Variants in CLVS1 observed in about 807,000 individuals in gnomAD.
CLVS1 encodes clavesin-1.
A neutral mutation model predicts 33.1 loss-of-function variants in CLVS1; 10 were observed. That is an observed-to-expected ratio of 0.30 (90% CI 0.19 to 0.51). The LOEUF is 0.51. Ranked by LOEUF, CLVS1 falls within the 20% of genes least tolerant of loss-of-function variation. The pLI, the probability that CLVS1 is intolerant of heterozygous loss-of-function variation, is 0.97. For synonymous variants in CLVS1, 163 were observed against 166.1 expected (o/e 0.98, Z 0.14); for missense variants, 343 against 433.4 (o/e 0.79, Z 1.85).
chr8:61,114,243 C>A (rs1454917450), intron 1 of CLVS1, among the ~76,000 whole-genome samples: 1 of 152,202 alleles, frequency 6.6e-6, no homozygotes, highest in East Asian at 1.9e-4. Context: ...ACTATAGTTG[C>A]TTTACTCATA....
At chr8:61,229,086 A>G (rs964153122) in intron 2 of CLVS1, among the ~76,000 whole-genome samples, 1 of 152,152 alleles carries the variant, frequency 6.6e-6, no homozygotes, top group African/African-American at 2.4e-5. Context: ...ATGATTGATG[A>G]TGTTGCGCAC....
chr8:60,967,708 C>T, the CLVS1 span: 1 of 455,468 alleles, frequency 2.2e-6, no homozygotes, highest in Non-Finnish European at 4.4e-6. Context: ...GGTGTGGGTG[C>T]TGAGGGTGGG....
chr8:61,059,665 G>A (rs1370605260), intron 1 of CLVS1, among the ~76,000 whole-genome samples: 1 of 150,982 alleles, frequency 6.6e-6, no homozygotes, highest in Non-Finnish European at 1.5e-5. Flanking sequence ...GAAAAAATTA[G>A]CCGGATGTGG....
intron 5 of CLVS1, among the ~76,000 whole-genome samples, chr8:61,477,331 A>T (rs562721302): frequency 8.8e-5 from 13 of 147,446 alleles, no homozygotes; most frequent in African/African-American, 2.9e-4. Context: ...GTTAGGGAGG[A>T]TTCCTTCTTT....
chr8:61,171,709 C>A lies in CLVS1; in HGVS notation c.-152+39849C>A, dbSNP rs758335774. Reference sequence around the variant, plus strand: ...TGCACAAGGGGATAAAAGCCACATTCCTTATCTCTTAAGAGCTATACATCT... The same window carrying A: ...TGCACAAGGGGATAAAAGCCACATTACTTATCTCTTAAGAGCTATACATCT... On this transcript the variant is annotated intron_variant, in intron 2 of 2. Transcript: ENST00000522621. Among the ~76,000 whole-genome samples, 10 of 152,292 alleles carry A rather than the reference C, an allele frequency of 6.6e-5. No homozygotes were observed. The South Asian group carries it at 2.1e-3, about 32-fold the overall frequency.
chr8:61,378,661 G>T (rs1239586033), intron 3 of CLVS1, among the ~76,000 whole-genome samples: 1 of 152,190 alleles, frequency 6.6e-6, no homozygotes, highest in African/African-American at 2.4e-5. Context: ...ACCATCCCAT[G>T]CTTTTTAGCT....
intron 1 of CLVS1, among the ~76,000 whole-genome samples, chr8:61,295,921 TAAG>T (rs1419430847): frequency 6.6e-6 from 1 of 152,116 alleles, no homozygotes; most frequent in Non-Finnish European, 1.5e-5. Context: ...TAATAAATAA[TAAG>T]CACTATTATT....
At chr8:61,048,632 C>G in the CLVS1 span, among the ~76,000 whole-genome samples, 1 of 152,128 alleles carries the variant, frequency 6.6e-6, no homozygotes, top group Non-Finnish European at 1.5e-5. Context: ...GAGGCAATGA[C>G]CAACTGATAT....
chr8:61,051,741 G>T, the CLVS1 span, among the ~76,000 whole-genome samples: 1 of 152,346 alleles, frequency 6.6e-6, no homozygotes, highest in African/African-American at 2.4e-5. Context: ...CATGTTTTCT[G>T]TTCCCTCATT....
intron 2 of CLVS1, among the ~76,000 whole-genome samples, chr8:61,197,306 G>A (rs1807637093): frequency 6.6e-6 from 1 of 152,024 alleles, no homozygotes; most frequent in Non-Finnish European, 1.5e-5. Context: ...TATGTTCTTG[G>A]CCCCTTTGTC....
In CLVS1 at chr8:61,454,209, C is replaced by T. The variant is rs770290672; in HGVS notation, c.699C>T (p.Tyr233=). ...VNQPWYIHAL[Y]TLIKPFLKDK... The stretch of plus-strand genomic sequence containing the variant: ...AGCCCTGGTACATTCATGCCCTCTA[C>T]ACACTCATCAAGCCATTTCTTAAAG... Residue 233 remains tyrosine (Y), a synonymous_variant, in exon 4 of 6, where the codon TAC becomes TAT. Coordinates refer to ENST00000325897, the MANE Select transcript of CLVS1 (RefSeq NM_173519.3). 1.4e-5 allele frequency: 23 copies of T among 1,613,996 alleles called. No individual in the cohort carries two copies. Among genetic ancestry groups the T allele is most frequent in the Non-Finnish European group, 1.9e-5 (23 of 1,179,962 alleles).
the CLVS1 span, among the ~76,000 whole-genome samples, chr8:61,046,617 A>G: frequency 1.7e-4 from 25 of 151,486 alleles, no homozygotes. Flanking sequence ...CTTCCTACCC[A>G]TGAGCATGGA....
At chr8:61,493,586 G>A (rs989775398) in intron 5 of CLVS1, among the ~76,000 whole-genome samples, 3 of 152,158 alleles carry the variant, frequency 2.0e-5, no homozygotes, top group African/African-American at 7.2e-5. Context: ...TCAAGCCCAG[G>A]CCAGAGCTTC....
intron 3 of CLVS1, among the ~76,000 whole-genome samples, chr8:61,445,438 C>G (rs1292716532): frequency 6.6e-6 from 1 of 151,964 alleles, no homozygotes; most frequent in Non-Finnish European, 1.5e-5. Context: ...TTATAAAGAG[C>G]CTAGCACCTC....
At chr8:60,983,001 C>T in the CLVS1 span, among the ~76,000 whole-genome samples, 2 of 152,254 alleles carry the variant, frequency 1.3e-5, no homozygotes, top group South Asian at 4.2e-4. Context: ...ATCCCCAGGG[C>T]TAAGCAGAAA....
At chr8:61,258,723 G>A (rs1281191980) in intron 2 of CLVS1, among the ~76,000 whole-genome samples, 2 of 152,126 alleles carry the variant, frequency 1.3e-5, no homozygotes, top group African/African-American at 4.8e-5. Context: ...CTAAGTTTAT[G>A]TCATAAAAGG....
chr8:61,094,273 T>C (rs1188984111), intron 1 of CLVS1, among the ~76,000 whole-genome samples: 11 of 152,124 alleles, frequency 7.2e-5, no homozygotes, highest in Non-Finnish European at 1.5e-5. Context: ...CTCTTGCCTG[T>C]CCTCCCACCA....
At chr8:60,969,772 G>A in the CLVS1 span, among the ~76,000 whole-genome samples, 102 of 151,898 alleles carry the variant, frequency 6.7e-4, no homozygotes, top group African/African-American at 2.2e-3. Flanking sequence ...AACCAACCTA[G>A]GATCAAAAAT....
rs1804544817 is a variant in CLVS1, at chr8:61,500,133, A to C, written c.*591A>C. On this transcript the variant is annotated 3_prime_UTR_variant, in exon 6 of 6. Transcript: ENST00000325897. ...TTTGCAAAGTTTGCTTATTTTGATGATATCCTGCAAAAAATTATTTTGATG... is the reference window on the plus strand; with the variant it reads ...TTTGCAAAGTTTGCTTATTTTGATGCTATCCTGCAAAAAATTATTTTGATG... 1.3e-5 allele frequency: 2 copies of C among 152,644 alleles called. No homozygotes were observed. Among genetic ancestry groups the C allele is most frequent in the Admixed American group, 1.3e-4 (2 of 15,284 alleles). The allele number at this position is 152,644 out of a possible 1,614,324, so 9.5% of individuals were successfully genotyped here.
Sources: allele counts gnomAD v4.1 joint callset (sites outside exome capture counted in the v4.1 genomes callset), GRCh38; gene constraint gnomAD v4.1.1; transcripts MANE v1.5; gene names NCBI Gene and HGNC (gene_info 2026-07-23, HGNC 2026-07-21).